The following UBE2D4 variants were observed in gnomAD, a reference collection of about 807,000 sequenced individuals.
UBE2D4 encodes ubiquitin conjugating enzyme E2 D4, also known as ubiquitin-conjugating enzyme E2 D4.
Under a neutral mutation model 23.0 loss-of-function variants are expected in UBE2D4, and 17 were observed. The observed-to-expected ratio is 0.74, with a 90% CI of 0.51 to 1.11. The LOEUF (loss-of-function observed/expected upper bound fraction) is 1.11, where lower values mean the gene tolerates loss of function less well. Ranked by LOEUF, UBE2D4 falls within the 50% of genes least tolerant of loss-of-function variation. The probability of loss-of-function intolerance (pLI) is 0.00; values close to 1 mark genes in which losing one functional copy is unlikely to be tolerated. For missense variants in UBE2D4, 139 were observed against 181.8 expected (o/e 0.76, Z 1.35); for synonymous variants, 61 against 69.4 (o/e 0.88, Z 0.60).
chr7:43,933,184 T>C (rs2095951150), intron 1 of UBE2D4, among the ~76,000 whole-genome samples: 1 of 151,368 alleles, frequency 6.6e-6, no homozygotes, highest in Non-Finnish European at 1.5e-5. Context: ...ATTCTACCTA[T>C]TCATGTAATT....
At chr7:43,947,156 CAG>C (rs1163188735) in intron 4 of UBE2D4, 1 of 149,478 alleles carries the variant, frequency 6.7e-6, no homozygotes, top group Non-Finnish European at 1.5e-5. Flanking sequence ...TTTTTTGAGA[CAG>C]AGTTTCGCTC....
intron 1 of UBE2D4, among the ~76,000 whole-genome samples, chr7:43,934,976 T>G (rs769822677): frequency 5.9e-5 from 9 of 151,976 alleles, no homozygotes; most frequent in Non-Finnish European, 1.3e-4. Flanking sequence ...AAAAAAAAAA[T>G]GTAACATAGC....
At position 43,928,917 on chromosome 7, in the gene UBE2D4, G is replaced by T. The variant is rs554512108; in HGVS notation, c.24+2361G>T. Among the ~76,000 whole-genome samples the T allele has an allele frequency of 3.9e-5, 6 of 152,302 alleles. No homozygotes were observed. The East Asian group carries it at 9.6e-4, about 24-fold the overall frequency. On this transcript the variant is annotated intron_variant, in intron 1 of 6. Transcript: ENST00000222402. ...TAAAAGGGAGCGTTTGGAAAAACAA[G>T]TTTGGGCCTTGAGCATGAAATGTCA...
intron 1 of UBE2D4, among the ~76,000 whole-genome samples, chr7:43,929,251 C>G (rs1294500935): frequency 6.6e-6 from 1 of 151,986 alleles, no homozygotes; most frequent in Non-Finnish European, 1.5e-5. Flanking sequence ...TTACTGAAAC[C>G]TCTTCTGTAA....
intron 1 of UBE2D4, among the ~76,000 whole-genome samples, chr7:43,930,211 T>A (rs2095942424): frequency 6.6e-6 from 1 of 152,200 alleles, no homozygotes; most frequent in South Asian, 2.1e-4. Flanking sequence ...TGGTTACTCT[T>A]AGACCTGGAG....
Sources: gnomAD v4.1 joint callset for allele counts (sites outside exome capture counted in the v4.1 genomes callset) on GRCh38, gnomAD v4.1.1 for gene constraint, MANE v1.5 for transcripts, NCBI Gene and HGNC (gene_info 2026-07-23, HGNC 2026-07-21) for gene names.